Variants in DDR2 observed in about 807,000 individuals in gnomAD.
The protein encoded by DDR2 is discoidin domain receptor tyrosine kinase 2, also known as discoidin domain-containing receptor 2.
In DDR2, 27 loss-of-function variants were observed where a neutral mutation model predicts 94.9. The ratio of observed to expected loss-of-function variants is 0.28; its 90% CI spans 0.21 to 0.39. The LOEUF is 0.39. Ranked by LOEUF, DDR2 falls within the 10% of genes least tolerant of loss-of-function variation. The pLI is 1.00. For synonymous variants in DDR2, 382 were observed against 377.2 expected (o/e 1.01, Z -0.15); for missense variants, 783 against 1,076.0 (o/e 0.73, Z 3.81).
intron 3 of DDR2, among the ~76,000 whole-genome samples, chr1:162,752,791 G>A (rs558765595): frequency 3.9e-4 from 60 of 152,136 alleles, no homozygotes; most frequent in African/African-American, 1.3e-3. Context: ...GGGCCACTGG[G>A]GTTATTACCA....
At position 162,673,592 on chromosome 1, in the gene DDR2, TGTATGTGTGTGTGTGTGAGA is replaced by T. The variant is rs1263584379; in HGVS notation, c.-28+18220_-28+18239del. ...CTGTCATTATGTGCGTGTGTGTGTGTGTATGTGTGTGTGTGTGAGAGAGAGAGAGAGAGAGAGAGAGAGAG... is the reference window on the plus strand; with the variant it reads ...CTGTCATTATGTGCGTGTGTGTGTGTGAGAGAGAGAGAGAGAGAGAGAGAG... On this transcript the variant is annotated intron_variant, in intron 2 of 17. Coordinates refer to ENST00000367921, the MANE Select transcript of DDR2 (RefSeq NM_006182.4). 1.5e-4 allele frequency among the ~76,000 whole-genome samples: 20 copies of T among 134,136 alleles called. 1 individual carries two copies. The highest frequency in any genetic ancestry group is 5.7e-4 in the African/African-American group (19 of 33,318). 88.0% of individuals were successfully genotyped at this position (134,136 alleles called of 152,430 possible). A position where few individuals can be genotyped will look rare whatever the true frequency, so the allele number is the denominator to read the frequency against.
rs12063285 is a variant in DDR2, at chr1:162,756,599, G to C, written c.671+830G>C. ...TCAGTCCATCGTGAAGACCAGACCA[G>C]ATGATGGAGGTTGACAGGGCTCGAG... On this transcript the variant is annotated intron_variant, in intron 7 of 17. Coordinates refer to ENST00000367921, the MANE Select transcript of DDR2 (RefSeq NM_006182.4). 5.3e-3 allele frequency among the ~76,000 whole-genome samples: 803 copies of C among 152,302 alleles called. 9 individuals carry two copies. Among genetic ancestry groups the C allele is most frequent in the African/African-American group, 0.018 (753 of 41,550 alleles).
At chr1:162,644,847 C>G (rs377066121) in intron 1 of DDR2, among the ~76,000 whole-genome samples, 20 of 152,306 alleles carry the variant, frequency 1.3e-4, no homozygotes, top group African/African-American at 4.6e-4. Flanking sequence ...CTGCCCACCT[C>G]AGCCTCCCAA....
intron 1 of DDR2, among the ~76,000 whole-genome samples, chr1:162,633,119 C>T (rs1314138221): frequency 1.3e-5 from 2 of 152,064 alleles, no homozygotes; most frequent in African/African-American, 4.8e-5. Context: ...AGAAGGGTAA[C>T]TTTGGATGAG....
chr1:162,779,039 C>A (rs1460094098), intron 17 of DDR2, among the ~76,000 whole-genome samples: 1 of 152,098 alleles, frequency 6.6e-6, no homozygotes, highest in Non-Finnish European at 1.5e-5. Flanking sequence ...TGATCTAGAC[C>A]ATGTGGTTTT....
At chr1:162,643,513 G>A (rs376499267) in intron 1 of DDR2, among the ~76,000 whole-genome samples, 5 of 151,954 alleles carry the variant, frequency 3.3e-5, no homozygotes, top group African/African-American at 1.2e-4. Flanking sequence ...ATGGAGTCTC[G>A]CTCTGTCACC....
chr1:162,780,402 AC>A lies in DDR2; in HGVS notation c.*160del. 3 of 982,902 alleles carry A rather than the reference AC, an allele frequency of 3.1e-6. No individual in the cohort carries two copies. Among genetic ancestry groups the A allele is most frequent in the Non-Finnish European group, 4.4e-6 (3 of 676,382 alleles). 60.9% of individuals were successfully genotyped at this position (982,902 alleles called of 1,614,324 possible). A position where few individuals can be genotyped will look rare whatever the true frequency, so the allele number is the denominator to read the frequency against. Reference sequence around the variant, plus strand: ...CTTTTCCTGGTCACCCCCACTCCCTACCCCTGACTCATATACACTTTTTTTT... The same window carrying A: ...CTTTTCCTGGTCACCCCCACTCCCTACCCTGACTCATATACACTTTTTTTT... On this transcript the variant is annotated 3_prime_UTR_variant, in exon 18 of 18. Transcript: ENST00000367921.
chr1:162,751,567 A>T (rs942317583), intron 3 of DDR2, among the ~76,000 whole-genome samples: 58 of 152,208 alleles, frequency 3.8e-4, no homozygotes, highest in South Asian at 2.1e-4. Context: ...AACTAGTTAA[A>T]CCATTGTGGA....
At chr1:162,771,893 C>A in intron 12 of DDR2, 131 bp from the exon 13 acceptor site, 3 of 936,590 alleles carry the variant, frequency 3.2e-6, no homozygotes, top group Non-Finnish European at 1.7e-6. Context: ...AACCATTTTC[C>A]AAGTAAGAAT....
At chr1:162,707,612 C>T (rs1307015406) in intron 2 of DDR2, among the ~76,000 whole-genome samples, 2 of 152,194 alleles carry the variant, frequency 1.3e-5, no homozygotes, top group Non-Finnish European at 2.9e-5. Context: ...CAAATGCTCA[C>T]AGGCGCTAGT....
rs1648013395 is a variant in DDR2, at chr1:162,783,459, GC to G, written c.*3214del. 3 of 152,092 alleles carry G rather than the reference GC, an allele frequency of 2.0e-5. No homozygotes were observed. The highest frequency in any genetic ancestry group is 2.0e-4 in the Admixed American group (3 of 15,260). The allele number at this position is 152,092 out of a possible 1,614,324, so 9.4% of individuals were successfully genotyped here. On this transcript the variant is annotated 3_prime_UTR_variant, in exon 18 of 18. Coordinates refer to ENST00000367921, the MANE Select transcript of DDR2 (RefSeq NM_006182.4). ...GAGGAAGGTCAGGGCTAGAAAGGAG[GC>G]TACATAAAAAGGGGCAATGGAGAAT... is the stretch of plus-strand genomic sequence containing the variant.
intron 2 of DDR2, among the ~76,000 whole-genome samples, chr1:162,658,152 G>A (rs1208307980): frequency 6.6e-6 from 1 of 152,132 alleles, no homozygotes; most frequent in East Asian, 1.9e-4. Flanking sequence ...TCCACAGCAA[G>A]TGGCCTAGGA....
At chr1:162,689,355 A>G (rs1390298303) in intron 2 of DDR2, among the ~76,000 whole-genome samples, 1 of 152,196 alleles carries the variant, frequency 6.6e-6, no homozygotes, top group Non-Finnish European at 1.5e-5. Context: ...AGCTTATTTT[A>G]TAACTGAAGA....
intron 2 of DDR2, among the ~76,000 whole-genome samples, chr1:162,678,813 C>T (rs1659258809): frequency 6.6e-6 from 1 of 152,224 alleles, no homozygotes; most frequent in Non-Finnish European, 1.5e-5. Flanking sequence ...CCACTGAACT[C>T]CAGGCTGGAC....
At chr1:162,763,336 C>CTTTTTTTTTTTTTTTTTTTTTTTTTTT (rs56323242) in intron 9 of DDR2, among the ~76,000 whole-genome samples, 1 of 56,500 alleles carries the variant, frequency 1.8e-5, no homozygotes, top group African/African-American at 7.5e-5. Flanking sequence ...CCACGCCCGG[C>CTTTTTTTTTTTTTTTTTTTTTTTTTTT]TTTTTTTTTT....
chr1:162,775,486 A>G (rs1177948741), intron 14 of DDR2, among the ~76,000 whole-genome samples, 166 bp from the exon 15 acceptor site: 1 of 152,228 alleles, frequency 6.6e-6, no homozygotes, highest in Non-Finnish European at 1.5e-5. Context: ...CAGGAGGAAT[A>G]GAATGAGACA....
At chr1:162,733,992 T>C (rs1473294485) in intron 3 of DDR2, among the ~76,000 whole-genome samples, 1 of 152,332 alleles carries the variant, frequency 6.6e-6, no homozygotes, top group Middle Eastern at 3.4e-3. Flanking sequence ...CCTATTTGAT[T>C]ATGAAAAATC....
intron 3 of DDR2, among the ~76,000 whole-genome samples, chr1:162,736,752 G>A (rs545607022): frequency 7.2e-5 from 11 of 152,338 alleles, no homozygotes; most frequent in African/African-American, 2.4e-4. Context: ...ATGTCAGTAC[G>A]TGAAAGAATG....
At chr1:162,658,329 G>A (rs975169988) in intron 2 of DDR2, among the ~76,000 whole-genome samples, 3 of 152,196 alleles carry the variant, frequency 2.0e-5, no homozygotes, top group Non-Finnish European at 2.9e-5. Context: ...ATGTCTGCTT[G>A]TCACAGAATG....
Sources: gnomAD v4.1 joint callset for allele counts (sites outside exome capture counted in the v4.1 genomes callset) on GRCh38, gnomAD v4.1.1 for gene constraint, MANE v1.5 for transcripts, NCBI Gene and HGNC (gene_info 2026-07-23, HGNC 2026-07-21) for gene names.